The following CASKIN2 variants were observed in gnomAD, a reference collection of about 807,000 sequenced individuals.
CASKIN2 encodes the protein caskin-2.
CASKIN2 carries 41 observed loss-of-function variants against 107.1 expected under a neutral mutation model. That is an observed-to-expected ratio of 0.38 (90% CI 0.30 to 0.50). The LOEUF is 0.50. Among genes scored for constraint, CASKIN2 ranks in the 20% least tolerant of loss-of-function variants. The probability of loss-of-function intolerance (pLI) is 0.92; values close to 1 mark genes in which losing one functional copy is unlikely to be tolerated. For synonymous variants in CASKIN2, 724 were observed against 705.6 expected (o/e 1.03, Z -0.41); for missense variants, 1,546 against 1,657.4 (o/e 0.93, Z 1.17).
intron 4 of CASKIN2, 43 bp from the exon 5 acceptor site, chr17:75,507,172 G>A (rs771487090): frequency 8.9e-6 from 14 of 1,576,614 alleles, no homozygotes; most frequent in South Asian, 5.7e-5. Flanking sequence ...CTGGGACGGC[G>A]TTGGGGGTGG....
At position 75,504,928 on chromosome 17, in the gene CASKIN2, G is replaced by A. The variant is rs202242603; in HGVS notation, c.1076C>T (p.Ala359Val). The A allele has an allele frequency of 1.4e-5, 23 of 1,608,678 alleles. No individual in the cohort carries two copies. In the East Asian group the frequency reaches 4.9e-4, roughly 34 times the overall value. The change falls in exon 11 of 20, where the codon GCA (alanine) becomes GTA (valine). Residue 359 changes from alanine to valine, a missense_variant. Transcript: ENST00000321617. The part of the protein sequence containing the change: ...VGIPAARLPS[A>V]PTPLRPGFSR... ...GAAGCCTGGGCGCAGGGGGGTGGGTGCGGAGGGGAGGCGGGCTGCAGGGAT... is the reference window on the plus strand; with the variant it reads ...GAAGCCTGGGCGCAGGGGGGTGGGTACGGAGGGGAGGCGGGCTGCAGGGAT...
chr17:75,501,742 T>G, intron 18 of CASKIN2, 37 bp downstream of exon 18: 1 of 1,530,266 alleles, frequency 6.5e-7, no homozygotes, highest in Non-Finnish European at 8.8e-7. Context: ...GACACAACCC[T>G]GCCAGCAGTG....
intron 4 of CASKIN2, 54 bp downstream of exon 4, chr17:75,507,530 G>A (rs1226714391): frequency 3.7e-6 from 5 of 1,341,934 alleles, no homozygotes; most frequent in African/African-American, 2.9e-5. Flanking sequence ...CCCAGGGTCT[G>A]GGTAGGGCCC....
intron 19 of CASKIN2, 69 bp from the exon 20 acceptor site, chr17:75,501,239 G>T: frequency 1.4e-6 from 2 of 1,409,902 alleles, no homozygotes; most frequent in South Asian, 1.3e-5. Flanking sequence ...GGGGCAGGGA[G>T]CTGTCATAGC....
intron 2 of CASKIN2, chr17:75,509,805 G>C (rs937086398): frequency 1.0e-6 from 1 of 985,608 alleles, no homozygotes; most frequent in Non-Finnish European, 1.2e-6. Flanking sequence ...TCTTCCATTA[G>C]CCCTCCTCTT....
Position 75,506,556 on chromosome 17 carries a change from G to C in CASKIN2, c.617+27C>G. The C allele has an allele frequency of 1.9e-6, 3 of 1,610,002 alleles. No homozygotes were observed. The highest frequency in any genetic ancestry group is 2.5e-6 in the Non-Finnish European group (3 of 1,178,090). ...ACCGATGGTCCCGCAGGCAGGTGAT[G>C]AGGAAGCGAGGGGACCCCAAGGGTA... On this transcript the variant is annotated intron_variant, in intron 7 of 19. Transcript: ENST00000321617. The surrounding 1 kb of genome is among the most constrained non-coding windows in gnomAD (Gnocchi z 4.8).
chr17:75,501,426 T>C, intron 19 of CASKIN2, 42 bp downstream of exon 19: 1 of 1,569,168 alleles, frequency 6.4e-7, no homozygotes, highest in Non-Finnish European at 8.7e-7. Flanking sequence ...GGAGCACTGT[T>C]TCTCTGCAGC....
In CASKIN2 at chr17:75,501,531, C is replaced by A. The variant is rs771124387; in HGVS notation, c.3455G>T (p.Ser1152Ile). 1 of 1,612,414 alleles carries A rather than the reference C, an allele frequency of 6.2e-7. No homozygotes were observed. Among genetic ancestry groups the A allele is most frequent in the Non-Finnish European group, 8.5e-7 (1 of 1,179,620 alleles). Residue 1152 changes from serine (S) to isoleucine (I), a missense_variant, in exon 19 of 20, where the codon AGC becomes ATC. Coordinates refer to ENST00000321617, the MANE Select transcript of CASKIN2 (RefSeq NM_020753.5). ...GQAQQRLEQT[S>I]SSLAAALRAA... The stretch of plus-strand genomic sequence containing the variant: ...TCTCAGTGCAGCTGCCAGGGACGAG[C>A]TGGTCTGCTCCAGTCTCTGCTGGGC...
intron 2 of CASKIN2, among the ~76,000 whole-genome samples, chr17:75,511,487 C>T (rs537574789): frequency 6.6e-6 from 1 of 152,326 alleles, no homozygotes; most frequent in African/African-American, 2.4e-5. Context: ...CTGAGCATCA[C>T]TTTCCTTATC....
At chr17:75,508,411 C>T (rs890480454) in intron 2 of CASKIN2, 126 bp from the exon 3 acceptor site, 34 of 1,020,430 alleles carry the variant, frequency 3.3e-5, no homozygotes, top group African/African-American at 7.9e-5. Flanking sequence ...CATGGCCTTC[C>T]GCCTGTCCCG....
rs529580141 is a variant in CASKIN2 at position 75,501,803 on chromosome 17, C to T, written c.3271G>A (p.Ala1091Thr). 2 of 1,544,290 alleles carry T rather than the reference C, an allele frequency of 1.3e-6. No individual in the cohort carries two copies. The highest frequency in any genetic ancestry group is 4.0e-5 in the Admixed American group (2 of 50,242). Residue 1091 changes from alanine to threonine, a missense_variant, in exon 18 of 20, where the codon GCC becomes ACC. Ala to Thr is a moderately conservative substitution (Grantham distance 58). Around this residue, in one of 6 missense-constraint regions of CASKIN2, gnomAD observed 1,311 missense variants for 1,311.0 expected, o/e 1.00. Transcript: ENST00000321617. Reference protein sequence around the residue: ...GETEPPAAPAALLKVPGAGTA... With the variant: ...GETEPPAAPATLLKVPGAGTA... ...CCTGCTCCGGGCACCTTGAGGAGGGCAGCAGGGGCGGCCGGGGGTTCTGTC... is the reference window on the plus strand; with the variant it reads ...CCTGCTCCGGGCACCTTGAGGAGGGTAGCAGGGGCGGCCGGGGGTTCTGTC...
rs1192793409 is a variant in CASKIN2 at position 75,500,447 on chromosome 17, A to C, written c.*633T>G. 1 of 152,820 alleles carries C rather than the reference A, an allele frequency of 6.5e-6. No homozygotes were observed. The highest frequency in any genetic ancestry group is 1.5e-5 in the Non-Finnish European group (1 of 68,480). 9.5% of individuals were successfully genotyped at this position (152,820 alleles called of 1,614,324 possible). On this transcript the variant is annotated 3_prime_UTR_variant, in exon 20 of 20. Coordinates refer to ENST00000321617, the MANE Select transcript of CASKIN2 (RefSeq NM_020753.5). ...AGTTGATAGAATAAATTCCATTTAAAATATATGCATTTCTCTCTGCTTAGA... is the reference window on the plus strand; with the variant it reads ...AGTTGATAGAATAAATTCCATTTAACATATATGCATTTCTCTCTGCTTAGA...
intron 2 of CASKIN2, among the ~76,000 whole-genome samples, chr17:75,512,954 T>C (rs781704779): frequency 2.0e-5 from 3 of 151,294 alleles, no homozygotes; most frequent in Non-Finnish European, 4.4e-5. Context: ...AACATAGAGG[T>C]GCTCTGGTTG....
At chr17:75,509,667 CG>C (rs1448462311) in intron 2 of CASKIN2, 3 of 984,284 alleles carry the variant, frequency 3.0e-6, no homozygotes, top group African/African-American at 3.5e-5. Context: ...GCTCTAGAAG[CG>C]GAAGTGCACA....
Position 75,502,251 on chromosome 17 carries a change from TG to T in CASKIN2, c.2822del (p.Pro941HisfsTer18). The T allele has an allele frequency of 1.3e-6, 2 of 1,555,166 alleles. No homozygotes were observed. On this transcript the variant is annotated frameshift_variant, in exon 18 of 20. Coordinates refer to ENST00000321617, the MANE Select transcript of CASKIN2 (RefSeq NM_020753.5). LOFTEE classifies it high-confidence loss of function. This position sits in a 1 kb window ranked among gnomAD's most constrained non-coding sequence, Gnocchi z 4.3. ...GCCCTTCCCCAGAGCTGCCCCGAGA[TG>T]GGGGCGTCCCCTCAGGGCCTGGCTC... ...EEEPGPEGTP[P>X]SRGSSGEGLP...
intron 2 of CASKIN2, among the ~76,000 whole-genome samples, chr17:75,510,654 G>A (rs146555206): frequency 2.0e-5 from 3 of 151,760 alleles, no homozygotes; most frequent in East Asian, 3.9e-4. Flanking sequence ...GTAGTGGCAC[G>A]ATCTCGGCTC....
At position 75,506,196 on chromosome 17, in the gene CASKIN2, C is replaced by T. The variant is rs2053263225; in HGVS notation, c.726+109G>A. ...GGAAGTCAGGCCTCTTTCCTGACGC[C>T]CATGCAAAAACCACGCTGGAGTCCT... On this transcript the variant is annotated intron_variant, in intron 8 of 19. Coordinates refer to ENST00000321617, the MANE Select transcript of CASKIN2 (RefSeq NM_020753.5). The surrounding 1 kb of genome is among the most constrained non-coding windows in gnomAD (Gnocchi z 4.8). The T allele has an allele frequency of 5.2e-6, 5 of 966,774 alleles. No homozygotes were observed. In the East Asian group the frequency reaches 7.5e-5, roughly 15 times the overall value. 59.9% of individuals were successfully genotyped at this position (966,774 alleles called of 1,614,324 possible). A position where few individuals can be genotyped will look rare whatever the true frequency, so the allele number is the denominator to read the frequency against.
chr17:75,504,379 G>T (rs1283893189), intron 13 of CASKIN2, 41 bp downstream of exon 13: 1 of 1,600,416 alleles, frequency 6.2e-7, no homozygotes, highest in Admixed American at 1.7e-5. Flanking sequence ...CTCCTTACTT[G>T]CACCTCTCCT....
Position 75,502,306 on chromosome 17 carries a change from G to C in CASKIN2, c.2768C>G (p.Ala923Gly). The C allele has an allele frequency of 6.7e-7, 1 of 1,492,808 alleles. No individual in the cohort carries two copies. The highest frequency in any genetic ancestry group is 8.9e-7 in the Non-Finnish European group (1 of 1,124,592). The allele number at this position is 1,492,808 out of a possible 1,614,324, so 92.5% of individuals were successfully genotyped here. The change falls in exon 18 of 20, where the codon GCT becomes GGT. Residue 923 changes from alanine (A) to glycine (G), a missense_variant. Ala to Gly is a moderately conservative substitution (Grantham distance 60). Transcript: ENST00000321617. This position sits in a 1 kb window ranked among gnomAD's most constrained non-coding sequence, Gnocchi z 4.3. ...CTCCTCCGTGTCTGACGCGGGCCCAGCCGGGGCAGGTGGGCCAGGGGGCTC... is the reference window on the plus strand; with the variant it reads ...CTCCTCCGTGTCTGACGCGGGCCCACCCGGGGCAGGTGGGCCAGGGGGCTC... ...PSEPPGPPAP[A>G]GPASDTEEEE...
Sources: allele counts gnomAD v4.1 joint callset (sites outside exome capture counted in the v4.1 genomes callset), GRCh38; gene constraint gnomAD v4.1.1; regional missense constraint gnomAD v4.1.1; non-coding constraint Gnocchi (gnomAD v3.1); transcripts MANE v1.5; gene names NCBI Gene and HGNC (gene_info 2026-07-23, HGNC 2026-07-21).